Variants in FBLN7 observed in about 807,000 individuals in gnomAD.
FBLN7 encodes fibulin-7.
A neutral mutation model predicts 44.0 loss-of-function variants in FBLN7; 31 were observed. The ratio of observed to expected loss-of-function variants is 0.70; its 90% CI spans 0.53 to 0.95. The LOEUF (loss-of-function observed/expected upper bound fraction) is 0.95, where lower values mean the gene tolerates loss of function less well. Among genes scored for constraint, FBLN7 ranks in the 40% least tolerant of loss-of-function variants. FBLN7 has a pLI of 0.00. For synonymous variants in FBLN7, 262 were observed against 253.4 expected, an observed-to-expected ratio of 1.03 and a Z score of -0.32; for missense variants, 573 against 618.5, an observed-to-expected ratio of 0.93 and a Z score of 0.78.
At chr2:112,174,733 G>T (rs905332410) in intron 3 of FBLN7, among the ~76,000 whole-genome samples, 3 of 151,902 alleles carry the variant, frequency 2.0e-5, no homozygotes, top group African/African-American at 7.3e-5. Flanking sequence ...TTTTTGAGAC[G>T]GAGTCTCATT....
At chr2:112,236,044 A>C in the FBLN7 span, among the ~76,000 whole-genome samples, 1 of 151,772 alleles carries the variant, frequency 6.6e-6, no homozygotes, top group Non-Finnish European at 1.5e-5. Context: ...CAGGTGGATC[A>C]CCTGAGGTCA....
the FBLN7 span, among the ~76,000 whole-genome samples, chr2:112,194,856 C>T: frequency 6.6e-6 from 1 of 152,082 alleles, no homozygotes; most frequent in Non-Finnish European, 1.5e-5. Flanking sequence ...TAAAATAAAA[C>T]TTACCCTCTA....
chr2:112,199,002 A>G, the FBLN7 span, among the ~76,000 whole-genome samples: 1 of 152,184 alleles, frequency 6.6e-6, no homozygotes, highest in African/African-American at 2.4e-5. Flanking sequence ...GTGAAGGACT[A>G]TGTGGGTTCC....
At chr2:112,200,541 T>C in the FBLN7 span, among the ~76,000 whole-genome samples, 1 of 152,154 alleles carries the variant, frequency 6.6e-6, no homozygotes, top group Non-Finnish European at 1.5e-5. Flanking sequence ...GTTTTTTGTT[T>C]TATTTTGTTT....
intron 2 of FBLN7, among the ~76,000 whole-genome samples, chr2:112,160,771 CAGA>C (rs1681787791): frequency 9.6e-5 from 4 of 41,486 alleles, no homozygotes; most frequent in Non-Finnish European, 2.4e-4. Flanking sequence ...CACGCACACG[CAGA>C]CGCACACGCA....
chr2:112,244,640 G>T, the FBLN7 span, among the ~76,000 whole-genome samples: 100 of 152,278 alleles, frequency 6.6e-4, 1 homozygote, highest in African/African-American at 2.4e-3. Context: ...TGAAAAGCAT[G>T]TGTTCACTCT....
chr2:112,154,360 G>A (rs1433702382), intron 1 of FBLN7, among the ~76,000 whole-genome samples: 2 of 152,186 alleles, frequency 1.3e-5, no homozygotes, highest in Admixed American at 1.3e-4. Flanking sequence ...CGCCTCAAGA[G>A]CCCTGGAAGA....
the FBLN7 span, among the ~76,000 whole-genome samples, chr2:112,226,744 GA>G: frequency 6.6e-6 from 1 of 151,872 alleles, no homozygotes; most frequent in Non-Finnish European, 1.5e-5. Context: ...ACGAAAGCCA[GA>G]AAAAGACATC....
At chr2:112,170,781 G>C (rs1682418733) in intron 3 of FBLN7, among the ~76,000 whole-genome samples, 2 of 152,256 alleles carry the variant, frequency 1.3e-5, no homozygotes, top group African/African-American at 4.8e-5. Flanking sequence ...TGTCGCTGCT[G>C]CATAGAGAAT....
chr2:112,184,051 C>T (rs1683126319), intron 6 of FBLN7, among the ~76,000 whole-genome samples: 1 of 152,306 alleles, frequency 6.6e-6, no homozygotes. Flanking sequence ...TCAGAGCACA[C>T]ATCTCAGGCC....
In FBLN7 at chr2:112,182,902, C is replaced by T; in HGVS notation, c.782C>T (p.Thr261Ile). Residue 261 changes from threonine (T) to isoleucine (I), a missense_variant, in exon 6 of 8, where the codon ACT (threonine) becomes ATT (isoleucine). Thr to Ile is a moderately conservative substitution (Grantham distance 89). Transcript: ENST00000331203. ...TGCACCTGCCCCGGTGGATACCGAA[C>T]TCTGGCTGACGGGAAGAGCTGTGAG... ...YRCTCPGGYRTLADGKSCEDV... is the reference protein window; with the variant it reads ...YRCTCPGGYRILADGKSCEDV... The T allele has an allele frequency of 1.2e-6, 2 of 1,612,906 alleles. No homozygotes were observed. The highest frequency in any genetic ancestry group is 1.1e-5 in the South Asian group (1 of 90,858).
chr2:112,144,798 T>A (rs1438870919), intron 1 of FBLN7, among the ~76,000 whole-genome samples: 1 of 152,240 alleles, frequency 6.6e-6, no homozygotes, highest in African/African-American at 2.4e-5. Context: ...GTGTTGGGAT[T>A]ACAGGCGTGA....
At chr2:112,150,758 A>C (rs1006341569) in intron 1 of FBLN7, among the ~76,000 whole-genome samples, 1 of 152,160 alleles carries the variant, frequency 6.6e-6, no homozygotes, top group Non-Finnish European at 1.5e-5. Context: ...ATGGGGTCAT[A>C]GTTGAAGAAA....
intron 1 of FBLN7, 26 bp downstream of exon 1, chr2:112,138,756 AG>A (rs1680476324): frequency 6.5e-7 from 1 of 1,542,710 alleles, no homozygotes; most frequent in African/African-American, 1.4e-5. Context: ...GCCTCTCTCC[AG>A]GCCAGTGTCC....
rs529591273 is a variant in FBLN7 at position 112,172,145 on chromosome 2, G to T, written c.407-3569G>T. Among the ~76,000 whole-genome samples, 58 of 152,304 alleles carry T rather than the reference G, an allele frequency of 3.8e-4. No homozygotes were observed. In the South Asian group the frequency reaches 9.9e-3, roughly 26 times the overall value. ...TGAACTTATGTACCTAAAATCCAGTGATTAACACAGCAAATTCCTTAACAT... is the reference window on the plus strand; with the variant it reads ...TGAACTTATGTACCTAAAATCCAGTTATTAACACAGCAAATTCCTTAACAT... On this transcript the variant is annotated intron_variant, in intron 3 of 7. Coordinates refer to ENST00000331203, the MANE Select transcript of FBLN7 (RefSeq NM_153214.3).
chr2:112,165,243 G>T, intron 3 of FBLN7, 72 bp downstream of exon 3: 3 of 1,523,928 alleles, frequency 2.0e-6, no homozygotes, highest in Middle Eastern at 2.0e-4. Context: ...GCATAGAAAG[G>T]GTCATTCCTT....
intron 1 of FBLN7, among the ~76,000 whole-genome samples, chr2:112,144,642 A>C (rs1250581830): frequency 6.7e-6 from 1 of 149,932 alleles, no homozygotes; most frequent in South Asian, 2.1e-4. Flanking sequence ...CTCCTGCCTC[A>C]GCCTTCCGTG....
chr2:112,159,964 G>GC (rs1417916803), intron 2 of FBLN7, 129 bp downstream of exon 2: 46 of 630,730 alleles, frequency 7.3e-5, no homozygotes, highest in Middle Eastern at 9.5e-4. Context: ...TCCAACTGTG[G>GC]CCCCCCCTTT....
At chr2:112,199,051 C>T in the FBLN7 span, among the ~76,000 whole-genome samples, 1 of 152,130 alleles carries the variant, frequency 6.6e-6, no homozygotes, top group African/African-American at 2.4e-5. Flanking sequence ...GCCCTAGGAA[C>T]CAGGATGCAT....
Sources: allele counts gnomAD v4.1 joint callset (sites outside exome capture counted in the v4.1 genomes callset), GRCh38; gene constraint gnomAD v4.1.1; transcripts MANE v1.5; gene names NCBI Gene and HGNC (gene_info 2026-07-23, HGNC 2026-07-21).